TBC1D22A: variants seen among roughly 807,000 people sequenced by gnomAD.
TBC1D22A encodes the protein putative GTPase activator.
In TBC1D22A, 38 loss-of-function variants were observed where a neutral mutation model predicts 60.2. The ratio of observed to expected loss-of-function variants is 0.63; its 90% CI spans 0.49 to 0.83. The LOEUF is 0.83. Among genes scored for constraint, TBC1D22A ranks in the 40% least tolerant of loss-of-function variants. The pLI, the probability that TBC1D22A is intolerant of heterozygous loss-of-function variation, is 0.00. For synonymous variants in TBC1D22A, 302 were observed against 281.7 expected (o/e 1.07, Z -0.72); for missense variants, 628 against 701.0 (o/e 0.90, Z 1.18).
intron 8 of TBC1D22A, among the ~76,000 whole-genome samples, chr22:46,951,339 G>A (rs1190446860): frequency 6.6e-6 from 1 of 152,100 alleles, no homozygotes; most frequent in African/African-American, 2.4e-5. Context: ...TCAGAAGAAC[G>A]TTCTAAAATG....
At chr22:47,046,473 T>C (rs981231558) in intron 11 of TBC1D22A, among the ~76,000 whole-genome samples, 2 of 151,908 alleles carry the variant, frequency 1.3e-5, no homozygotes, top group African/African-American at 4.8e-5. Context: ...GGACACCCTT[T>C]GAGTGAGGGT....
intron 12 of TBC1D22A, among the ~76,000 whole-genome samples, chr22:47,172,140 C>T (rs575796624): frequency 2.6e-4 from 40 of 151,698 alleles, no homozygotes; most frequent in Non-Finnish European, 4.0e-4. Context: ...CCAGTGAGTC[C>T]GGTGTGCCCG....
At chr22:47,057,048 G>A (rs1213052679) in intron 11 of TBC1D22A, among the ~76,000 whole-genome samples, 2 of 152,224 alleles carry the variant, frequency 1.3e-5, no homozygotes, top group East Asian at 3.8e-4. Context: ...CACCTGGCAG[G>A]TGCCTGACCC....
intron 8 of TBC1D22A, chr22:46,916,060 C>A: frequency 2.5e-6 from 1 of 401,850 alleles, no homozygotes. Flanking sequence ...AGGACATATG[C>A]ATGTAGTGAA....
intron 9 of TBC1D22A, among the ~76,000 whole-genome samples, chr22:46,993,798 G>A (rs2148218472): frequency 6.6e-6 from 1 of 152,312 alleles, no homozygotes; most frequent in East Asian, 1.9e-4. Context: ...GGATTCCTTG[G>A]CCACGGTGTC....
At chr22:46,848,394 A>G (rs1367150615) in intron 4 of TBC1D22A, among the ~76,000 whole-genome samples, 1 of 152,236 alleles carries the variant, frequency 6.6e-6, no homozygotes, top group Non-Finnish European at 1.5e-5. Flanking sequence ...TTCTAGGCTC[A>G]TGAACTAGTC....
intron 10 of TBC1D22A, 36 bp from the exon 11 acceptor site, chr22:47,037,018 TGCCTCCATAGGGCTCCC>T: frequency 6.2e-7 from 1 of 1,606,428 alleles, no homozygotes; most frequent in Non-Finnish European, 8.5e-7. Context: ...TGGCTGCCAG[TGCCTCCATAGGGCTCCC>T]CTGACAGCCT....
chr22:47,013,961 C>A (rs1037227197), intron 10 of TBC1D22A, among the ~76,000 whole-genome samples: 30 of 152,360 alleles, frequency 2.0e-4, no homozygotes, highest in Admixed American at 8.5e-4. Flanking sequence ...CATCCAGAGA[C>A]CCTCGGTTTG....
intron 10 of TBC1D22A, among the ~76,000 whole-genome samples, chr22:47,002,210 G>A (rs560338881): frequency 6.6e-6 from 1 of 152,316 alleles, no homozygotes; most frequent in South Asian, 2.1e-4. Flanking sequence ...CATCGAGAAC[G>A]CTTACACCTA....
intron 8 of TBC1D22A, chr22:46,913,362 T>C: frequency 7.3e-7 from 1 of 1,366,556 alleles, no homozygotes; most frequent in Non-Finnish European, 9.8e-7. Context: ...GGCCTCAGAT[T>C]CCCATCCTTG....
chr22:47,111,429 G>T, intron 11 of TBC1D22A, 79 bp from the exon 12 acceptor site: 1 of 1,328,508 alleles, frequency 7.5e-7, no homozygotes, highest in South Asian at 1.3e-5. Flanking sequence ...GATAAACCCT[G>T]ACTGTCGCAG....
At chr22:47,003,087 G>T (rs1464016967) in intron 10 of TBC1D22A, among the ~76,000 whole-genome samples, 1 of 152,202 alleles carries the variant, frequency 6.6e-6, no homozygotes, top group Non-Finnish European at 1.5e-5. Context: ...CAAGGGCTAG[G>T]GGCGCCAAAC....
At chr22:47,144,230 C>T (rs532951179) in intron 12 of TBC1D22A, among the ~76,000 whole-genome samples, 1 of 152,258 alleles carries the variant, frequency 6.6e-6, no homozygotes, top group African/African-American at 2.4e-5. Context: ...CAGAGCCGTG[C>T]ACTTGGGCTG....
chr22:47,107,075 G>T (rs1040391719), intron 11 of TBC1D22A, among the ~76,000 whole-genome samples: 1 of 152,140 alleles, frequency 6.6e-6, no homozygotes, highest in Admixed American at 6.5e-5. Context: ...GTACTGTTTG[G>T]GAGGAGGATA....
intron 12 of TBC1D22A, among the ~76,000 whole-genome samples, chr22:47,152,379 G>A (rs553802890): frequency 3.7e-4 from 56 of 152,296 alleles, no homozygotes; most frequent in Non-Finnish European, 6.3e-4. Flanking sequence ...TCAGATCAGC[G>A]CAAGCTCAGG....
intron 11 of TBC1D22A, among the ~76,000 whole-genome samples, chr22:47,064,412 A>G (rs553739108): frequency 5.9e-5 from 9 of 152,400 alleles, no homozygotes; most frequent in Non-Finnish European, 8.8e-5. Flanking sequence ...GGAGCTGTTC[A>G]GCTCAGTATG....
intron 11 of TBC1D22A, among the ~76,000 whole-genome samples, chr22:47,095,399 T>G (rs1228474076): frequency 6.6e-6 from 1 of 152,272 alleles, no homozygotes; most frequent in Non-Finnish European, 1.5e-5. Flanking sequence ...GGTGAAATAT[T>G]GTTCCTTTTA....
chr22:47,065,653 T>TAGCGGCACGAGGAC (rs2063735172), intron 11 of TBC1D22A, among the ~76,000 whole-genome samples: 1 of 152,274 alleles, frequency 6.6e-6, no homozygotes, highest in Non-Finnish European at 1.5e-5. Context: ...CTGGGTTGGA[T>TAGCGGCACGAGGAC]TGAGGGAGAC....
intron 12 of TBC1D22A, among the ~76,000 whole-genome samples, chr22:47,114,455 G>T (rs1213613921): frequency 6.6e-6 from 1 of 152,118 alleles, no homozygotes. Context: ...GTGAGGGGTT[G>T]GATGGAGAGA....
Sources: allele counts gnomAD v4.1 joint callset (sites outside exome capture counted in the v4.1 genomes callset), GRCh38; gene constraint gnomAD v4.1.1; transcripts MANE v1.5; gene names NCBI Gene and HGNC (gene_info 2026-07-23, HGNC 2026-07-21).